Variants in KCTD16 observed in about 807,000 individuals in gnomAD.
KCTD16 encodes the protein potassium channel tetramerization domain containing 16, also known as BTB/POZ domain-containing protein KCTD16.
Under a neutral mutation model 33.2 loss-of-function variants are expected in KCTD16, and 13 were observed. The ratio of observed to expected loss-of-function variants is 0.39; its 90% CI spans 0.25 to 0.62. KCTD16 has a LOEUF of 0.62. Ranked by LOEUF, KCTD16 falls within the 20% of genes least tolerant of loss-of-function variation. KCTD16 has a pLI of 0.50. For missense variants in KCTD16, 441 were observed against 525.1 expected (o/e 0.84, Z 1.57); for synonymous variants, 197 against 195.3 (o/e 1.01, Z -0.07).
Position 144,346,129 on chromosome 5 carries a change from T to G in KCTD16, c.833-127531T>G, listed in dbSNP as rs369096148. ...CAGTGTTTGCCTTTCTGTGCCTGGC[T>G]TATTTCACTTAGCATAATGCTCCCC... On this transcript the variant is annotated intron_variant, in intron 3 of 3. Transcript: ENST00000512467. Among the ~76,000 whole-genome samples, 5 of 152,268 alleles carry G rather than the reference T, an allele frequency of 3.3e-5. No homozygotes were observed. The South Asian group carries it at 6.2e-4, about 19-fold the overall frequency.
chr5:144,366,045 A>C (rs1580905424), intron 3 of KCTD16, among the ~76,000 whole-genome samples: 1 of 152,040 alleles, frequency 6.6e-6, no homozygotes, highest in East Asian at 1.9e-4. Context: ...TACACTTTTT[A>C]ATGTTTTATT....
chr5:144,293,584 A>G (rs185295976), intron 3 of KCTD16, among the ~76,000 whole-genome samples: 173 of 152,308 alleles, frequency 1.1e-3, no homozygotes, highest in African/African-American at 3.9e-3. Flanking sequence ...AACTTAATCC[A>G]TCTATAGAGA....
intron 3 of KCTD16, among the ~76,000 whole-genome samples, chr5:144,272,177 A>G (rs1755316840): frequency 6.6e-6 from 1 of 152,132 alleles, no homozygotes; most frequent in Admixed American, 6.5e-5. Flanking sequence ...TAATCCCAGC[A>G]TTTTGGGAGG....
intron 3 of KCTD16, among the ~76,000 whole-genome samples, chr5:144,450,113 TA>T (rs1753907763): frequency 6.6e-6 from 1 of 151,976 alleles, no homozygotes; most frequent in Admixed American, 6.6e-5. Context: ...AGAAAATTAA[TA>T]ATCAGATTTT....
At chr5:144,353,963 A>G (rs1752576717) in intron 3 of KCTD16, among the ~76,000 whole-genome samples, 1 of 152,162 alleles carries the variant, frequency 6.6e-6, no homozygotes, top group African/African-American at 2.4e-5. Context: ...AGACTTATAT[A>G]TCACTAAGAG....
At chr5:144,193,984 A>C (rs1580778924) in intron 2 of KCTD16, among the ~76,000 whole-genome samples, 1 of 152,166 alleles carries the variant, frequency 6.6e-6, no homozygotes, top group African/African-American at 2.4e-5. Flanking sequence ...ACAGATATTT[A>C]GCTTAGGACT....
intron 3 of KCTD16, among the ~76,000 whole-genome samples, chr5:144,225,732 G>C (rs939840673): frequency 6.6e-6 from 1 of 152,126 alleles, no homozygotes; most frequent in Non-Finnish European, 1.5e-5. Flanking sequence ...GTACATTTAA[G>C]CATGAAACCT....
At chr5:144,275,092 T>C (rs753027902) in intron 3 of KCTD16, among the ~76,000 whole-genome samples, 4 of 152,186 alleles carry the variant, frequency 2.6e-5, no homozygotes, top group Non-Finnish European at 5.9e-5. Flanking sequence ...TGACAACACA[T>C]TTAAATGCAA....
At chr5:144,398,708 ACTCTCTCTCTCTCT>A (rs367796082) in intron 3 of KCTD16, among the ~76,000 whole-genome samples, 1 of 145,454 alleles carries the variant, frequency 6.9e-6, no homozygotes, top group South Asian at 2.2e-4. Context: ...ACACACACAC[ACTCTCTCTCTCTCT>A]CTCTCTCTCT....
intron 3 of KCTD16, among the ~76,000 whole-genome samples, chr5:144,370,775 G>C (rs1224425979): frequency 6.6e-6 from 1 of 152,098 alleles, no homozygotes; most frequent in Non-Finnish European, 1.5e-5. Context: ...CCACTCCCTT[G>C]CTTGCTGGAG....
chr5:144,379,654 A>G (rs116650344), intron 3 of KCTD16, among the ~76,000 whole-genome samples: 265 of 152,294 alleles, frequency 1.7e-3, no homozygotes, highest in Admixed American at 3.1e-3. Context: ...GACAGAAAAT[A>G]TATAATTATT....
intron 3 of KCTD16, among the ~76,000 whole-genome samples, chr5:144,458,486 A>G (rs532383138): frequency 1.4e-5 from 2 of 143,850 alleles, no homozygotes; most frequent in African/African-American, 5.9e-5. Flanking sequence ...CTGTTGTTCT[A>G]TAGATAAAGG....
chr5:144,228,911 C>T (rs145857527), intron 3 of KCTD16, among the ~76,000 whole-genome samples: 3 of 152,160 alleles, frequency 2.0e-5, no homozygotes, highest in East Asian at 1.9e-4. Flanking sequence ...TACATGCATA[C>T]GTACATATAT....
chr5:144,441,370 T>G (rs920511148), intron 3 of KCTD16, among the ~76,000 whole-genome samples: 1 of 152,168 alleles, frequency 6.6e-6, no homozygotes, highest in East Asian at 1.9e-4. Flanking sequence ...TTTTGTTTTC[T>G]TCTAAGAGTT....
chr5:144,247,664 T>G (rs560048717), intron 3 of KCTD16, among the ~76,000 whole-genome samples: 39 of 152,194 alleles, frequency 2.6e-4, no homozygotes, highest in Non-Finnish European at 4.4e-4. Context: ...ACCATGATCA[T>G]GATTATTATT....
chr5:144,311,500 A>T (rs1415350532), intron 3 of KCTD16, among the ~76,000 whole-genome samples: 1 of 152,212 alleles, frequency 6.6e-6, no homozygotes, highest in Non-Finnish European at 1.5e-5. Flanking sequence ...ATATAGATAT[A>T]GATATCAAGA....
intron 3 of KCTD16, among the ~76,000 whole-genome samples, chr5:144,347,955 G>A (rs965708295): frequency 2.0e-5 from 3 of 152,140 alleles, no homozygotes; most frequent in Non-Finnish European, 4.4e-5. Context: ...GCCTCCAGCC[G>A]CATTCTTTTA....
At chr5:144,180,947 T>TA (rs1195205603) in intron 2 of KCTD16, among the ~76,000 whole-genome samples, 1 of 152,048 alleles carries the variant, frequency 6.6e-6, no homozygotes, top group African/African-American at 2.4e-5. Flanking sequence ...CTTTTTTTTT[T>TA]TTTGAGACGG....
chr5:144,425,205 T>TA (rs1161608432), intron 3 of KCTD16, among the ~76,000 whole-genome samples: 1 of 152,062 alleles, frequency 6.6e-6, no homozygotes, highest in African/African-American at 2.4e-5. Context: ...AAGAAAGAGG[T>TA]AACTGATCCC....
Sources: gnomAD v4.1 joint callset for allele counts (sites outside exome capture counted in the v4.1 genomes callset) on GRCh38, gnomAD v4.1.1 for gene constraint, MANE v1.5 for transcripts, NCBI Gene and HGNC (gene_info 2026-07-23, HGNC 2026-07-21) for gene names.